The following MACROD1 variants were observed in gnomAD, a reference collection of about 807,000 sequenced individuals.
The protein encoded by MACROD1 is mono-ADP ribosylhydrolase 1, also known as ADP-ribose glycohydrolase MACROD1.
MACROD1 carries 31 observed loss-of-function variants against 41.4 expected under a neutral mutation model. The ratio of observed to expected loss-of-function variants is 0.75; its 90% CI spans 0.56 to 1.01. The LOEUF is 1.01. Ranked by LOEUF, MACROD1 falls within the 50% of genes least tolerant of loss-of-function variation. The pLI is 0.00. For synonymous variants in MACROD1, 252 were observed against 203.4 expected (o/e 1.24, Z -2.03); for missense variants, 473 against 460.0 (o/e 1.03, Z -0.26).
At position 64,146,965 on chromosome 11, in the gene MACROD1, C is replaced by A. The variant is rs144822061; in HGVS notation, c.517+4274G>T. ...CTGACCTCACACACACACCATCACA[C>A]ACATCCCAATCACATCTCATAGCCC... On this transcript the variant is annotated intron_variant, in intron 3 of 10. Coordinates refer to ENST00000255681, the MANE Select transcript of MACROD1 (RefSeq NM_014067.4). The surrounding 1 kb of genome is among the most constrained non-coding windows in gnomAD (Gnocchi z 4.7). Among the ~76,000 whole-genome samples the A allele has an allele frequency of 2.3e-4, 35 of 152,320 alleles. No homozygotes were observed. Among genetic ancestry groups the A allele is most frequent in the African/African-American group, 6.5e-4 (27 of 41,568 alleles).
chr11:64,148,350 C>T, intron 3 of MACROD1, among the ~76,000 whole-genome samples: 1 of 152,150 alleles, frequency 6.6e-6, no homozygotes, highest in Non-Finnish European at 1.5e-5. Flanking sequence ...CAGGCAGCGA[C>T]AGCCCCTCCC....
intron 3 of MACROD1, chr11:64,103,741 G>A (rs1347088424): frequency 2.6e-5 from 4 of 152,274 alleles, no homozygotes; most frequent in Admixed American, 2.6e-4. Flanking sequence ...TGGGTGCCAG[G>A]CCACAGGGCA....
At chr11:64,089,057 G>T (rs562469095) in intron 3 of MACROD1, among the ~76,000 whole-genome samples, 132 of 152,284 alleles carry the variant, frequency 8.7e-4, no homozygotes, top group African/African-American at 3.0e-3. Flanking sequence ...CTCGTGCCCC[G>T]CCGGCTGTCC....
rs146061545 is a variant in MACROD1 at position 64,116,384 on chromosome 11, C to T, written c.517+34855G>A. 232 of 1,613,690 alleles carry T rather than the reference C, an allele frequency of 1.4e-4. 1 individual carries two copies. Among genetic ancestry groups the T allele is most frequent in the Middle Eastern group, 4.9e-4 (3 of 6,084 alleles). ...TGCGGGACTGGCTGTTCCTCTGCTA[C>T]GGGCTCATCGCCTTCCTGACGGAGG... is the stretch of plus-strand genomic sequence containing the variant. On this transcript the variant is annotated intron_variant, in intron 3 of 10. Transcript: ENST00000255681.
At chr11:64,158,434 A>G (rs1945702587) in intron 1 of MACROD1, among the ~76,000 whole-genome samples, 1 of 152,048 alleles carries the variant, frequency 6.6e-6, no homozygotes, top group Non-Finnish European at 1.5e-5. Context: ...AGGAGAGACA[A>G]GGTCTGGATA....
intron 3 of MACROD1, among the ~76,000 whole-genome samples, chr11:64,038,321 C>T (rs1326498111): frequency 6.6e-6 from 1 of 152,208 alleles, no homozygotes; most frequent in African/African-American, 2.4e-5. Flanking sequence ...GCTTCCTTGC[C>T]TGCGCAGGGG....
chr11:64,117,462 C>T (rs776365470), intron 3 of MACROD1: 1 of 1,612,990 alleles, frequency 6.2e-7, no homozygotes, highest in Non-Finnish European at 8.5e-7. Context: ...GGCCAGCAAC[C>T]ACGCCTCTGC....
At chr11:64,105,728 T>C (rs956977985) in intron 3 of MACROD1, among the ~76,000 whole-genome samples, 1 of 152,276 alleles carries the variant, frequency 6.6e-6, no homozygotes, top group African/African-American at 2.4e-5. Flanking sequence ...GTTGAGACAC[T>C]GTTCCCCAGC....
intron 3 of MACROD1, among the ~76,000 whole-genome samples, chr11:64,073,689 A>C (rs2134468803): frequency 6.6e-6 from 1 of 152,252 alleles, no homozygotes; most frequent in Non-Finnish European, 1.5e-5. Context: ...ATGGCATGCG[A>C]GAGTGTGCGT....
chr11:64,121,336 T>C (rs1358126921), intron 3 of MACROD1, among the ~76,000 whole-genome samples: 1 of 152,228 alleles, frequency 6.6e-6, no homozygotes, highest in Non-Finnish European at 1.5e-5. Flanking sequence ...TGCCTCATCG[T>C]GGGGATCACC....
chr11:64,071,638 T>C (rs1258259864), intron 3 of MACROD1, among the ~76,000 whole-genome samples: 4 of 152,294 alleles, frequency 2.6e-5, no homozygotes, highest in Middle Eastern at 6.8e-3. Flanking sequence ...TCTCCAGACC[T>C]GTTTCCCCAT....
At chr11:64,143,940 G>C (rs894364602) in intron 3 of MACROD1, among the ~76,000 whole-genome samples, 1 of 152,084 alleles carries the variant, frequency 6.6e-6, no homozygotes, top group African/African-American at 2.4e-5. Context: ...TATAGTGCAA[G>C]AGAGATTAAC....
intron 3 of MACROD1, among the ~76,000 whole-genome samples, chr11:64,069,760 C>T (rs1022447784): frequency 6.6e-6 from 1 of 152,192 alleles, no homozygotes; most frequent in Non-Finnish European, 1.5e-5. Context: ...CTAAATGCTT[C>T]GCCAGGAAAC....
intron 3 of MACROD1, among the ~76,000 whole-genome samples, chr11:64,034,586 C>T (rs1590818028): frequency 6.6e-6 from 1 of 152,120 alleles, no homozygotes; most frequent in Non-Finnish European, 1.5e-5. Context: ...CCAGTCTGTT[C>T]CCGGACTGGG....
At chr11:64,040,978 A>G (rs1386105327) in intron 3 of MACROD1, among the ~76,000 whole-genome samples, 1 of 151,874 alleles carries the variant, frequency 6.6e-6, no homozygotes, top group Non-Finnish European at 1.5e-5. Context: ...GACGGGGTCT[A>G]TTGTCTGGCT....
At chr11:64,030,066 C>T (rs1378034874) in intron 3 of MACROD1, among the ~76,000 whole-genome samples, 1 of 152,072 alleles carries the variant, frequency 6.6e-6, no homozygotes, top group Non-Finnish European at 1.5e-5. Flanking sequence ...CCCCGGGTGA[C>T]ACAGTCTTGC....
chr11:64,073,683 C>A (rs1024821978), intron 3 of MACROD1, among the ~76,000 whole-genome samples: 1 of 152,216 alleles, frequency 6.6e-6, no homozygotes, highest in African/African-American at 2.4e-5. Context: ...CATCAGATGG[C>A]ATGCGAGAGT....
At position 64,120,123 on chromosome 11, in the gene MACROD1, C is replaced by T. The variant is rs922237041; in HGVS notation, c.517+31116G>A. ...GGGGCAGGGGTTACGTTAAAAGGCC[C>T]GACCGCCACCTTCAGTGAGGAGATG... On this transcript the variant is annotated intron_variant, in intron 3 of 10. Coordinates refer to ENST00000255681, the MANE Select transcript of MACROD1 (RefSeq NM_014067.4). The surrounding 1 kb of genome is among the most constrained non-coding windows in gnomAD (Gnocchi z 4.5). Among the ~76,000 whole-genome samples the T allele has an allele frequency of 3.3e-5, 5 of 152,092 alleles. No homozygotes were observed. The highest frequency in any genetic ancestry group is 5.9e-5 in the Non-Finnish European group (4 of 68,018).
chr11:64,033,646 G>C (rs1431532700), intron 3 of MACROD1, among the ~76,000 whole-genome samples: 1 of 152,012 alleles, frequency 6.6e-6, no homozygotes, highest in Non-Finnish European at 1.5e-5. Flanking sequence ...CTTGAGACCA[G>C]CCTGGCCAAC....
Sources: gnomAD v4.1 joint callset for allele counts (sites outside exome capture counted in the v4.1 genomes callset) on GRCh38, gnomAD v4.1.1 for gene constraint, Gnocchi (gnomAD v3.1) non-coding constraint, MANE v1.5 for transcripts, NCBI Gene and HGNC (gene_info 2026-07-23, HGNC 2026-07-21) for gene names.